KIF4A: variants seen among roughly 807,000 people sequenced by gnomAD.
KIF4A encodes chromosome-associated kinesin KIF4A.
KIF4A carries 7 observed loss-of-function variants against 105.9 expected under a neutral mutation model. The ratio of observed to expected loss-of-function variants is 0.07; its 90% CI spans 0.04 to 0.12. KIF4A has a LOEUF of 0.12. Ranked by LOEUF, KIF4A falls within the 10% of genes least tolerant of loss-of-function variation. The pLI, the probability that KIF4A is intolerant of heterozygous loss-of-function variation, is 1.00. For missense variants in KIF4A, 558 were observed against 929.2 expected, an observed-to-expected ratio of 0.60 and a Z score of 5.19; for synonymous variants, 281 against 331.3, an observed-to-expected ratio of 0.85 and a Z score of 1.65.
At chrX:70,298,816 C>A (rs1036683731) in intron 4 of KIF4A, among the ~76,000 whole-genome samples, 1 of 112,262 alleles carries the variant, frequency 8.9e-6, no homozygotes, top group Non-Finnish European at 1.9e-5. Context: ...CATCAAAGAA[C>A]TGAATTTGCG....
At chrX:70,366,734 G>C (rs1356155012) in intron 15 of KIF4A, among the ~76,000 whole-genome samples, 1 of 111,860 alleles carries the variant, frequency 8.9e-6, no homozygotes, top group Admixed American at 9.5e-5. Flanking sequence ...CTGTTGATTT[G>C]GGATGGAGAG....
At chrX:70,404,861 TACTA>T (rs758942595) in intron 25 of KIF4A, 39 bp downstream of exon 25, 9 of 903,272 alleles carry the variant, frequency 1.0e-5, no homozygotes, top group African/African-American at 5.8e-5. Flanking sequence ...AGTTTCACAG[TACTA>T]ACTGAGAATC....
At chrX:70,311,050 T>G (rs2085847785) in intron 7 of KIF4A, among the ~76,000 whole-genome samples, 1 of 107,452 alleles carries the variant, frequency 9.3e-6, no homozygotes, top group Non-Finnish European at 1.9e-5. Context: ...GATTGAGCCC[T>G]GAAGACCAAG....
chrX:70,379,087 C>T (rs997697506), intron 18 of KIF4A, among the ~76,000 whole-genome samples: 5 of 107,610 alleles, frequency 4.6e-5, no homozygotes, highest in African/African-American at 1.4e-4. Flanking sequence ...GGTGTGAACC[C>T]GGAAGGCGGA....
At chrX:70,296,083 C>T (rs866682623) in intron 3 of KIF4A, among the ~76,000 whole-genome samples, 4 of 65,022 alleles carry the variant, frequency 6.2e-5, no homozygotes, top group Non-Finnish European at 7.7e-5. Flanking sequence ...ATAAATGATG[C>T]TTTTTTTTTT....
intron 15 of KIF4A, among the ~76,000 whole-genome samples, chrX:70,354,533 C>T (rs2086043506): frequency 8.9e-6 from 1 of 112,800 alleles, no homozygotes; most frequent in South Asian, 3.6e-4. Flanking sequence ...TTCCAATCTA[C>T]AACCATTAAA....
intron 28 of KIF4A, among the ~76,000 whole-genome samples, chrX:70,415,726 G>C (rs985650193): frequency 4.6e-5 from 5 of 109,212 alleles, no homozygotes; most frequent in Non-Finnish European, 9.5e-5. Context: ...GGAGTGCATA[G>C]GAGACCTTGG....
intron 15 of KIF4A, among the ~76,000 whole-genome samples, chrX:70,373,532 A>ATT (rs2086151947): frequency 2.9e-5 from 1 of 33,952 alleles, no homozygotes; most frequent in African/African-American, 2.7e-4. Flanking sequence ...ATGTATATAT[A>ATT]TATATATATA....
intron 7 of KIF4A, among the ~76,000 whole-genome samples, chrX:70,310,425 T>C (rs2085845274): frequency 9.0e-6 from 1 of 110,640 alleles, no homozygotes; most frequent in Non-Finnish European, 1.9e-5. Flanking sequence ...TTTTCCTTTG[T>C]ATTGCTGAGT....
intron 18 of KIF4A, among the ~76,000 whole-genome samples, chrX:70,382,753 C>G (rs2086201926): frequency 9.5e-6 from 1 of 105,351 alleles, no homozygotes. Flanking sequence ...AGGAAATTGA[C>G]CCCACCCTGG....
At chrX:70,325,494 TC>T (rs998625848) in intron 7 of KIF4A, among the ~76,000 whole-genome samples, 3 of 111,232 alleles carry the variant, frequency 2.7e-5, no homozygotes, top group African/African-American at 9.8e-5. Flanking sequence ...CCCACACTGG[TC>T]TAGAACTCCT....
chrX:70,400,230 A>T (rs1296828701), intron 22 of KIF4A, among the ~76,000 whole-genome samples: 1 of 94,601 alleles, frequency 1.1e-5, no homozygotes, highest in Non-Finnish European at 2.1e-5. Context: ...TGTCCATGTG[A>T]TCTCATTGTT....
At position 70,359,802 on chromosome X, in the gene KIF4A, G is replaced by A. The variant is rs138605060; in HGVS notation, c.1674+5995G>A. Among the ~76,000 whole-genome samples the A allele has an allele frequency of 3.1e-3, 350 of 111,642 alleles. 2 individuals are homozygous for A. The highest frequency in any genetic ancestry group is 0.011 in the African/African-American group (341 of 30,749). On this transcript the variant is annotated intron_variant, in intron 15 of 30. Transcript: ENST00000374403. ...TGCCCACCCTGGGTTGTGAGGGAGG[G>A]TAGGACATGGCTTTTGCCTGCCCGC... is the stretch of plus-strand genomic sequence containing the variant.
intron 7 of KIF4A, among the ~76,000 whole-genome samples, chrX:70,313,693 C>T (rs35380172): frequency 0.013 from 1,413 of 112,262 alleles, 12 homozygotes; most frequent in Middle Eastern, 0.069. Flanking sequence ...CATCTGCTTT[C>T]AGTCTCTCAA....
intron 15 of KIF4A, among the ~76,000 whole-genome samples, chrX:70,359,628 C>T (rs1291474319): frequency 1.8e-5 from 2 of 110,714 alleles, no homozygotes; most frequent in East Asian, 5.7e-4. Context: ...CTCATGCTCT[C>T]AAGACAGCTG....
chrX:70,352,585 C>T lies in KIF4A; in HGVS notation c.1432-15C>T. On this transcript the variant is annotated splice_polypyrimidine_tract_variant and intron_variant, in intron 13 of 30. Transcript: ENST00000374403. ...TTCAGACTCTTTCCCTAAACCAAAACATTTGTTACTGCAGGATGAAACTGT... is the reference window on the plus strand; with the variant it reads ...TTCAGACTCTTTCCCTAAACCAAAATATTTGTTACTGCAGGATGAAACTGT... The T allele has an allele frequency of 1.7e-6, 2 of 1,186,615 alleles. No homozygotes were observed. Among genetic ancestry groups the T allele is most frequent in the Non-Finnish European group, 2.3e-6 (2 of 875,250 alleles).
intron 15 of KIF4A, among the ~76,000 whole-genome samples, chrX:70,367,942 G>T (rs1446043905): frequency 8.9e-6 from 1 of 111,767 alleles, no homozygotes; most frequent in African/African-American, 3.2e-5. Context: ...TGGAGGCTTT[G>T]TTCATTTCTT....
chrX:70,294,681 A>G (rs1456077108), intron 3 of KIF4A, among the ~76,000 whole-genome samples: 1 of 112,946 alleles, frequency 8.9e-6, no homozygotes, highest in African/African-American at 3.2e-5. Context: ...TTAAAGTAAG[A>G]ATAACCTGTC....
intron 10 of KIF4A, among the ~76,000 whole-genome samples, chrX:70,338,115 T>C (rs2085958062): frequency 8.9e-6 from 1 of 112,242 alleles, no homozygotes; most frequent in Non-Finnish European, 1.9e-5. Context: ...GTAAAGCTTA[T>C]TAATTTTTTT....
Sources: allele counts gnomAD v4.1 joint callset (sites outside exome capture counted in the v4.1 genomes callset), GRCh38; gene constraint gnomAD v4.1.1; transcripts MANE v1.5; gene names NCBI Gene and HGNC (gene_info 2026-07-23, HGNC 2026-07-21).